The following OR2AT4 variants were observed in gnomAD, a reference collection of about 807,000 sequenced individuals.
OR2AT4 encodes olfactory receptor family 2 subfamily AT member 4.
Under a neutral mutation model 10.3 loss-of-function variants are expected in OR2AT4, and 6 were observed. The observed-to-expected ratio is 0.58, with a 90% CI of 0.32 to 1.15. The LOEUF (loss-of-function observed/expected upper bound fraction) is 1.15, where lower values mean the gene tolerates loss of function less well. Ranked by LOEUF, OR2AT4 falls within the 50% of genes most tolerant of loss-of-function variation. The pLI is 0.05. For synonymous variants in OR2AT4, 145 were observed against 159.1 expected (o/e 0.91, Z 0.67); for missense variants, 354 against 393.8 (o/e 0.90, Z 0.85).
At chr11:75,095,683 T>C (rs943367018) in intron 1 of OR2AT4, among the ~76,000 whole-genome samples, 2 of 150,824 alleles carry the variant, frequency 1.3e-5, no homozygotes, top group African/African-American at 4.9e-5. Flanking sequence ...ACCTCTTTTT[T>C]TTTTTTTTTT....
exon 2 of OR2AT4, chr11:75,089,844 C>T (rs1271571368): frequency 3.0e-6 from 3 of 1,001,110 alleles, no homozygotes; most frequent in Non-Finnish European, 2.9e-6. Context: ...GTAATATAAG[C>T]AGAATTATTT....
exon 2 of OR2AT4, chr11:75,089,405 T>A (rs760436484): frequency 6.2e-7 from 1 of 1,613,954 alleles, no homozygotes; most frequent in African/African-American, 1.3e-5. Flanking sequence ...ACATCTGCAG[T>A]AAGCAGGAAG....
At chr11:75,085,447 C>T (rs1205746071) in exon 2 of OR2AT4, 1 of 151,994 alleles carries the variant, frequency 6.6e-6, no homozygotes, top group Non-Finnish European at 1.5e-5. Flanking sequence ...AGAAATAGCA[C>T]CAATTCTATA....
At chr11:75,091,903 G>A (rs749450919) in intron 1 of OR2AT4, among the ~76,000 whole-genome samples, 44 of 151,938 alleles carry the variant, frequency 2.9e-4, no homozygotes, top group African/African-American at 2.7e-4. Flanking sequence ...ATTTTACTTC[G>A]CTCAAAAAAG....
At chr11:75,084,513 T>C (rs550756900) in exon 2 of OR2AT4, 11 of 152,180 alleles carry the variant, frequency 7.2e-5, no homozygotes, top group African/African-American at 2.2e-4. Context: ...CTAGACCTAA[T>C]TGACATTTAT....
chr11:75,095,568 A>C (rs1367109231), intron 1 of OR2AT4, among the ~76,000 whole-genome samples: 1 of 151,992 alleles, frequency 6.6e-6, no homozygotes, highest in Non-Finnish European at 1.5e-5. Flanking sequence ...CATCCTTCCC[A>C]GGAGCTTAGT....
chr11:75,089,850 T>G lies in OR2AT4; in HGVS notation c.-137A>C, dbSNP rs1591785582. 8.4e-6 allele frequency: 8 copies of G among 947,600 alleles called. No homozygotes were observed. In the East Asian group the frequency reaches 2.0e-4, roughly 24 times the overall value. The allele number at this position is 947,600 out of a possible 1,614,324, so 58.7% of individuals were successfully genotyped here. On this transcript the variant is annotated 5_prime_UTR_variant, in exon 2 of 2. The change abolishes the stop of an existing upstream ORF in the 5' untranslated region. Transcript: ENST00000641504. ...ACTCTGTAGGTAATATAAGCAGAAT[T>G]ATTTACAACCAACTGTAGAGGACTG...
At chr11:75,082,515 A>C (rs905848743) in exon 2 of OR2AT4, 2 of 152,154 alleles carry the variant, frequency 1.3e-5, no homozygotes, top group African/African-American at 4.8e-5. Flanking sequence ...AGAAGAATGA[A>C]ACTGCACCCC....
chr11:75,089,330 A>G (rs754471103), exon 2 of OR2AT4: 2 of 1,614,212 alleles, frequency 1.2e-6, no homozygotes, highest in Non-Finnish European at 1.7e-6. Context: ...AGATAGCCAC[A>G]TAGCGGTCAT....
exon 2 of OR2AT4, chr11:75,085,836 T>C (rs143415386): frequency 6.6e-6 from 1 of 152,216 alleles, no homozygotes; most frequent in African/African-American, 2.4e-5. Context: ...CCCAGTAACT[T>C]GGTTCTAAAA....
chr11:75,089,461 T>C (rs1949310750), exon 2 of OR2AT4: 1 of 1,614,018 alleles, frequency 6.2e-7, no homozygotes, highest in Non-Finnish European at 8.5e-7. Flanking sequence ...GACAGCATCT[T>C]GGGGACAGTG....
exon 2 of OR2AT4, chr11:75,089,799 T>G: frequency 3.0e-6 from 4 of 1,340,482 alleles, no homozygotes; most frequent in Non-Finnish European, 4.1e-6. Context: ...AACAAAGGAT[T>G]CTGGAGTGAT....
chr11:75,089,648 G>C, exon 2 of OR2AT4: 1 of 1,613,886 alleles, frequency 6.2e-7, no homozygotes, highest in Non-Finnish European at 8.5e-7. Context: ...CTGGCAGAGA[G>C]GGGATGCCCA....
chr11:75,086,805 G>C (rs1591784350), exon 2 of OR2AT4: 1 of 152,204 alleles, frequency 6.6e-6, no homozygotes, highest in Middle Eastern at 3.4e-3. Context: ...CACCATTATA[G>C]TATCATACAG....
chr11:75,090,663 G>A (rs150789623), intron 1 of OR2AT4, among the ~76,000 whole-genome samples: 1 of 152,258 alleles, frequency 6.6e-6, no homozygotes, highest in Admixed American at 6.5e-5. Context: ...GTCAAAAAAG[G>A]CTTACAAAAC....
chr11:75,096,189 A>T (rs1949347990), intron 1 of OR2AT4: 1 of 151,912 alleles, frequency 6.6e-6, no homozygotes, highest in Admixed American at 6.5e-5. Context: ...GGAAGCAATG[A>T]TCTCCAGCTT....
exon 2 of OR2AT4, chr11:75,086,588 A>G (rs1222228913): frequency 6.6e-6 from 1 of 152,224 alleles, no homozygotes; most frequent in African/African-American, 2.4e-5. Context: ...AAGATGGTCA[A>G]CACAATTAGT....
At chr11:75,088,714 T>G (rs1949301410) in exon 2 of OR2AT4, 2 of 1,522,102 alleles carry the variant, frequency 1.3e-6, no homozygotes, top group South Asian at 2.6e-5. Flanking sequence ...GCACTGTTAT[T>G]TGGTGTCCTG....
exon 2 of OR2AT4, chr11:75,085,266 A>G (rs1949284592): frequency 6.6e-6 from 1 of 152,084 alleles, no homozygotes; most frequent in Non-Finnish European, 1.5e-5. Context: ...AATTTGGACA[A>G]AATGGACAAA....
Sources: gnomAD v4.1 joint callset for allele counts (sites outside exome capture counted in the v4.1 genomes callset) on GRCh38, gnomAD v4.1.1 for gene constraint, MANE v1.5 for transcripts, NCBI Gene and HGNC (gene_info 2026-07-23, HGNC 2026-07-21) for gene names.